The following AKAP9 variants were observed in gnomAD, a reference collection of about 807,000 sequenced individuals.
AKAP9 encodes the protein A-kinase anchoring protein 9.
A neutral mutation model predicts 488.5 loss-of-function variants in AKAP9; 311 were observed. That is an observed-to-expected ratio of 0.64 (90% CI 0.58 to 0.70). AKAP9 has a LOEUF of 0.70. Among genes scored for constraint, AKAP9 ranks in the 30% least tolerant of loss-of-function variants. The probability of loss-of-function intolerance (pLI) is 0.00; values close to 1 mark genes in which losing one functional copy is unlikely to be tolerated. For missense variants in AKAP9, 4,215 were observed against 4,374.5 expected (o/e 0.96, Z 1.03); for synonymous variants, 1,462 against 1,483.5 (o/e 0.99, Z 0.33).
intron 22 of AKAP9, among the ~76,000 whole-genome samples, chr7:92,059,289 C>A (rs894159887): frequency 4.6e-5 from 7 of 151,830 alleles, no homozygotes; most frequent in African/African-American, 1.7e-4. Flanking sequence ...AATAAACATA[C>A]TCTAACTGAA....
At chr7:92,044,126 T>C (rs1199811141) in intron 20 of AKAP9, among the ~76,000 whole-genome samples, 1 of 152,182 alleles carries the variant, frequency 6.6e-6, no homozygotes, top group Non-Finnish European at 1.5e-5. Flanking sequence ...TTAAAATACG[T>C]ATATATTTAT....
Position 92,095,016 on chromosome 7 carries a change from G to C in AKAP9, c.9579-7G>C. 3 of 1,613,442 alleles carry C rather than the reference G, an allele frequency of 1.9e-6. No homozygotes were observed. The Admixed American group carries it at 5.0e-5, about 27-fold the overall frequency. ...TTTATGGAAATTCATTTGTCTTTCT[G>C]ACTTAGGTTGGAAGTTAAAGATAAG... On this transcript the variant is annotated splice_region_variant and splice_polypyrimidine_tract_variant and intron_variant, in intron 39 of 49. Transcript: ENST00000356239.
intron 39 of AKAP9, among the ~76,000 whole-genome samples, chr7:92,094,557 G>A (rs922253235): frequency 3.3e-5 from 5 of 149,568 alleles, no homozygotes; most frequent in African/African-American, 7.4e-5. Flanking sequence ...AAAGAGGGCC[G>A]GGCGCGGTGG....
chr7:92,013,250 C>A (rs943974844), intron 9 of AKAP9, among the ~76,000 whole-genome samples: 3 of 151,820 alleles, frequency 2.0e-5, no homozygotes, highest in Non-Finnish European at 4.4e-5. Flanking sequence ...CTCGGCCTCC[C>A]AAAGTGCTGG....
At chr7:92,026,651 C>A (rs908478373) in intron 14 of AKAP9, among the ~76,000 whole-genome samples, 29 of 152,332 alleles carry the variant, frequency 1.9e-4, no homozygotes, top group African/African-American at 6.7e-4. Flanking sequence ...GTTGCCCAGG[C>A]TGGAGTGCGT....
intron 37 of AKAP9, among the ~76,000 whole-genome samples, chr7:92,087,244 T>C (rs1297942666): frequency 6.6e-6 from 1 of 152,188 alleles, no homozygotes; most frequent in African/African-American, 2.4e-5. Context: ...AGGATTCCCT[T>C]TAACGAAGAA....
chr7:92,015,358 T>G (rs909223110), intron 10 of AKAP9, among the ~76,000 whole-genome samples: 3 of 143,458 alleles, frequency 2.1e-5, no homozygotes, highest in African/African-American at 7.8e-5. Context: ...TATTCTCATG[T>G]GTTAGGAATT....
intron 47 of AKAP9, 144 bp downstream of exon 47, chr7:92,105,907 G>A (rs554477229): frequency 4.0e-5 from 30 of 742,150 alleles, no homozygotes; most frequent in Admixed American, 1.8e-4. Flanking sequence ...ATTACTGCCC[G>A]AGCTCCACCT....
intron 3 of AKAP9, among the ~76,000 whole-genome samples, chr7:91,983,009 C>T (rs1562932068): frequency 6.6e-6 from 1 of 151,790 alleles, no homozygotes; most frequent in Non-Finnish European, 1.5e-5. Context: ...TGTTCATATC[C>T]TTTGCCTGTT....
intron 22 of AKAP9, 56 bp downstream of exon 22, chr7:92,053,014 A>T (rs771897031): frequency 1.5e-4 from 204 of 1,385,394 alleles, no homozygotes; most frequent in Non-Finnish European, 1.9e-4. Flanking sequence ...ATACTATCCC[A>T]CTCTCTCGAC....
intron 8 of AKAP9, among the ~76,000 whole-genome samples, chr7:92,007,073 T>TA (rs1259540799): frequency 6.6e-6 from 1 of 152,118 alleles, no homozygotes; most frequent in African/African-American, 2.4e-5. Context: ...AAAGCCCACT[T>TA]ACCAAGAACC....
At position 92,083,196 on chromosome 7, in the gene AKAP9, T is replaced by G. The variant is rs1429522660; in HGVS notation, c.8187T>G (p.Leu2729=). 6.2e-7 allele frequency: 1 copy of G among 1,613,860 alleles called. No individual in the cohort carries two copies. The highest frequency in any genetic ancestry group is 8.5e-7 in the Non-Finnish European group (1 of 1,179,978). ...LLVKETNMTS[L]QKDLSQVRDH... is the part of the protein sequence containing the mutation. ...TAAAAGAAACAAATATGACATCTCT[T>G]CAGAAAGACTTAAGCCAAGTTAGGG... The change falls in exon 33 of 50, where the codon CTT becomes CTG. Residue 2729 remains leucine (L), a synonymous_variant. Transcript: ENST00000356239.
chr7:92,081,473 TTATATATA>T (rs372040821), intron 31 of AKAP9, among the ~76,000 whole-genome samples: 3 of 120,420 alleles, frequency 2.5e-5, no homozygotes, highest in Non-Finnish European at 3.3e-5. Flanking sequence ...CCCGGCTAAT[TTATATATA>T]TATATATATA....
chr7:92,102,073 T>G (rs1282271348), intron 45 of AKAP9, among the ~76,000 whole-genome samples: 1 of 151,832 alleles, frequency 6.6e-6, no homozygotes, highest in South Asian at 2.1e-4. Flanking sequence ...GGAGAATTGC[T>G]TGAATCTGGG....
At chr7:92,081,169 T>C (rs573971817) in intron 31 of AKAP9, among the ~76,000 whole-genome samples, 1 of 152,154 alleles carries the variant, frequency 6.6e-6, no homozygotes, top group Admixed American at 6.5e-5. Context: ...ATATGCATGT[T>C]ATGTTATCAT....
chr7:92,097,549 A>C lies in AKAP9; in HGVS notation c.10399-37A>C, dbSNP rs192176624. ...ATAGACTGTGATATGCTGTTCACTT[A>C]TAATTATTGTTTTCTTATTCTGTCC... On this transcript the variant is annotated intron_variant, in intron 41 of 49. Coordinates refer to ENST00000356239, the MANE Select transcript of AKAP9 (RefSeq NM_005751.5). The C allele has an allele frequency of 2.0e-4, 324 of 1,594,484 alleles. 3 individuals are homozygous for C. The African/African-American group carries it at 3.8e-3, about 19-fold the overall frequency.
intron 2 of AKAP9, among the ~76,000 whole-genome samples, chr7:91,977,737 G>GT (rs1302128797): frequency 2.0e-5 from 3 of 152,098 alleles, no homozygotes; most frequent in Non-Finnish European, 2.9e-5. Flanking sequence ...ATAATGCAGT[G>GT]TGGCAACTCT....
chr7:92,021,514 C>T (rs1335449775), intron 12 of AKAP9, among the ~76,000 whole-genome samples: 2 of 152,172 alleles, frequency 1.3e-5, no homozygotes, highest in African/African-American at 4.8e-5. Context: ...TCTTGGCTCA[C>T]TGCAACTTCC....
At position 92,102,448 on chromosome 7, in the gene AKAP9, TTAC is replaced by T. The variant is rs11276778; in HGVS notation, c.11098-106_11098-104del. On this transcript the variant is annotated intron_variant, in intron 45 of 49. Coordinates refer to ENST00000356239, the MANE Select transcript of AKAP9 (RefSeq NM_005751.5). ...GTGATAGGAACCTGCCGTTTTACTATTACTACTACTACTACTACTACTACTACT... is the reference window on the plus strand; with the variant it reads ...GTGATAGGAACCTGCCGTTTTACTATTACTACTACTACTACTACTACTACT... The T allele has an allele frequency of 0.053, 30,466 of 579,802 alleles. 367 individuals are homozygous for T. Among genetic ancestry groups the T allele is most frequent in the African/African-American group, 0.097 (5,049 of 52,178 alleles). 35.9% of individuals were successfully genotyped at this position (579,802 alleles called of 1,614,324 possible).
Sources: allele counts gnomAD v4.1 joint callset (sites outside exome capture counted in the v4.1 genomes callset), GRCh38; gene constraint gnomAD v4.1.1; transcripts MANE v1.5; gene names NCBI Gene and HGNC (gene_info 2026-07-23, HGNC 2026-07-21).